MAGI2: variants seen among roughly 807,000 people sequenced by gnomAD.
MAGI2 encodes the protein membrane associated guanylate kinase, WW and PDZ domain containing 2, also known as membrane-associated guanylate kinase, WW and PDZ domain-containing protein 2.
Under a neutral mutation model 133.3 loss-of-function variants are expected in MAGI2, and 35 were observed. The observed-to-expected ratio is 0.26, with a 90% confidence interval of 0.20 to 0.35. The LOEUF (loss-of-function observed/expected upper bound fraction) is 0.35, where lower values mean the gene tolerates loss of function less well. Ranked by LOEUF, MAGI2 falls within the 10% of genes least tolerant of loss-of-function variation. The pLI, the probability that MAGI2 is intolerant of heterozygous loss-of-function variation, is 1.00. For synonymous variants in MAGI2, 729 were observed against 710.6 expected, an observed-to-expected ratio of 1.03 and a Z score of -0.41; for missense variants, 1,636 against 1,863.4, an observed-to-expected ratio of 0.88 and a Z score of 2.25.
intron 1 of MAGI2, chr7:79,413,854 C>A (rs1306466281): frequency 6.6e-6 from 1 of 152,176 alleles, no homozygotes; most frequent in Non-Finnish European, 1.5e-5. Flanking sequence ...ATTTGAAATA[C>A]TCCGGGTCTG....
chr7:78,542,850 T>C lies in MAGI2; in HGVS notation c.539-21205A>G, dbSNP rs547044758. Among the ~76,000 whole-genome samples the C allele has an allele frequency of 3.9e-5, 6 of 152,312 alleles. No individual in the cohort carries two copies. In the South Asian group the frequency reaches 1.2e-3, roughly 32 times the overall value. On this transcript the variant is annotated intron_variant, in intron 3 of 21. Transcript: ENST00000354212. ...TGGATTTTATTTAAGGCTTTAAAAA[T>C]GACTTCCTTCTTGTTACGCTGTGGA...
At chr7:78,953,156 A>G (rs188920677) in intron 2 of MAGI2, among the ~76,000 whole-genome samples, 86 of 152,272 alleles carry the variant, frequency 5.6e-4, no homozygotes, top group African/African-American at 1.7e-3. Context: ...ATGTTTCCTG[A>G]ACCTCTCTCC....
rs931628639 is a variant in MAGI2, at chr7:78,448,803, C to T, written c.1045+40958G>A. Among the ~76,000 whole-genome samples the T allele has an allele frequency of 5.3e-5, 8 of 151,982 alleles. No homozygotes were observed. In the South Asian group the frequency reaches 6.2e-4, roughly 12 times the overall value. On this transcript the variant is annotated intron_variant, in intron 6 of 21. Coordinates refer to ENST00000354212, the MANE Select transcript of MAGI2 (RefSeq NM_012301.4). Reference sequence around the variant, plus strand: ...ACACAGACACCCATACCCACCTCTGCGAGAAAACTGCTCATTGTGTGTATC... The same window carrying T: ...ACACAGACACCCATACCCACCTCTGTGAGAAAACTGCTCATTGTGTGTATC...
chr7:78,358,497 C>CCCCCG (rs1792407348), intron 7 of MAGI2: 5 of 155,788 alleles, frequency 3.2e-5, no homozygotes, highest in African/African-American at 9.7e-5. Context: ...TCCCAAGGCC[C>CCCCCG]ACCCGCCCCG....
At position 78,720,754 on chromosome 7, in the gene MAGI2, A is replaced by G. The variant is rs572017776; in HGVS notation, c.419-93515T>C. 3.8e-4 allele frequency among the ~76,000 whole-genome samples: 58 copies of G among 152,214 alleles called. 1 individual carries two copies. Among genetic ancestry groups the G allele is most frequent in the African/African-American group, 1.4e-3 (57 of 41,566 alleles). On this transcript the variant is annotated intron_variant, in intron 2 of 21. Transcript: ENST00000354212. ...GATTAATTTCTCAAAGGATAAGTTG[A>G]GAAAAAATCATCTTTTCCTTCATCA...
chr7:78,810,130 CTGGTTAATGAAAT>C (rs1233834129), intron 2 of MAGI2, among the ~76,000 whole-genome samples: 4 of 151,888 alleles, frequency 2.6e-5, no homozygotes, highest in Non-Finnish European at 5.9e-5. Flanking sequence ...TTAGGAAAGG[CTGGTTAATGAAAT>C]TGGTATATTG....
At chr7:78,319,578 A>G (rs923951715) in intron 9 of MAGI2, among the ~76,000 whole-genome samples, 5 of 152,246 alleles carry the variant, frequency 3.3e-5, no homozygotes, top group African/African-American at 9.6e-5. Flanking sequence ...TTTGAAACCA[A>G]TGAGAACAAA....
chr7:78,834,829 G>T (rs1791476285), intron 2 of MAGI2, among the ~76,000 whole-genome samples: 1 of 152,062 alleles, frequency 6.6e-6, no homozygotes. Context: ...AATAATGAAT[G>T]AGTACTCACG....
chr7:78,881,935 A>G (rs1293309564), intron 2 of MAGI2, among the ~76,000 whole-genome samples: 1 of 151,590 alleles, frequency 6.6e-6, no homozygotes, highest in East Asian at 1.9e-4. Flanking sequence ...GAGGAAAAGA[A>G]AAGAAAAAAC....
chr7:78,020,145 C>T (rs1049242562), intron 21 of MAGI2, among the ~76,000 whole-genome samples, 169 bp from the exon 22 acceptor site: 3 of 142,488 alleles, frequency 2.1e-5, no homozygotes, highest in South Asian at 2.6e-4. Context: ...AGCGGCCGCG[C>T]CCCCGGGGAT....
chr7:78,934,703 C>T (rs1458660466), intron 2 of MAGI2, among the ~76,000 whole-genome samples: 4 of 151,808 alleles, frequency 2.6e-5, no homozygotes, highest in Non-Finnish European at 5.9e-5. Flanking sequence ...GAGTCCTTTC[C>T]CCAAGATATC....
chr7:78,430,757 T>G (rs1799715375), intron 6 of MAGI2, among the ~76,000 whole-genome samples: 1 of 152,094 alleles, frequency 6.6e-6, no homozygotes, highest in Non-Finnish European at 1.5e-5. Flanking sequence ...CAACCACTAG[T>G]CCTTTACGTC....
chr7:78,852,228 G>C (rs1793204515), intron 2 of MAGI2, among the ~76,000 whole-genome samples: 1 of 151,520 alleles, frequency 6.6e-6, no homozygotes, highest in African/African-American at 2.4e-5. Flanking sequence ...TATTCATTTT[G>C]TCTACCTATA....
intron 2 of MAGI2, among the ~76,000 whole-genome samples, chr7:78,731,593 T>A (rs1821370773): frequency 6.6e-6 from 1 of 152,164 alleles, no homozygotes; most frequent in African/African-American, 2.4e-5. Flanking sequence ...AAGTGCTTCC[T>A]ATTAAAGTGA....
chr7:78,369,117 C>T, intron 7 of MAGI2, 39 bp downstream of exon 7: 4 of 1,376,748 alleles, frequency 2.9e-6, no homozygotes, highest in Non-Finnish European at 4.0e-6. Flanking sequence ...AATTTCACAA[C>T]ATATTAATAA....
intron 3 of MAGI2, among the ~76,000 whole-genome samples, chr7:78,591,222 T>C (rs111418528): frequency 0.019 from 2,847 of 152,322 alleles, 37 homozygotes; most frequent in South Asian, 0.037. Flanking sequence ...GATCCAGCAA[T>C]TCTATTTCAA....
In MAGI2 at chr7:78,594,226, T is replaced by C. The variant is rs150957806; in HGVS notation, c.538+32894A>G. Among the ~76,000 whole-genome samples the C allele has an allele frequency of 1.1e-3, 170 of 152,338 alleles. 1 individual carries two copies. The highest frequency in any genetic ancestry group is 3.9e-3 in the African/African-American group (164 of 41,584). On this transcript the variant is annotated intron_variant, in intron 3 of 21. Coordinates refer to ENST00000354212, the MANE Select transcript of MAGI2 (RefSeq NM_012301.4). ...AGAAGCTTGTCATTTGTTAAGATAA[T>C]GTTGCCCAATTCTACAATTTAATTC...
chr7:78,392,654 A>G (rs1346320228), intron 6 of MAGI2, among the ~76,000 whole-genome samples: 1 of 152,084 alleles, frequency 6.6e-6, no homozygotes, highest in East Asian at 1.9e-4. Flanking sequence ...ATTTTTTGAG[A>G]ATAAATTTAT....
intron 6 of MAGI2, chr7:78,486,130 G>A (rs1792978333): frequency 6.6e-6 from 1 of 152,108 alleles, no homozygotes; most frequent in Non-Finnish European, 1.5e-5. Flanking sequence ...GAAACCAGAA[G>A]AGTGAGGAAT....
Sources: allele counts gnomAD v4.1 joint callset (sites outside exome capture counted in the v4.1 genomes callset), GRCh38; gene constraint gnomAD v4.1.1; transcripts MANE v1.5; gene names NCBI Gene and HGNC (gene_info 2026-07-23, HGNC 2026-07-21).